Variants in CD96 observed in about 807,000 individuals in gnomAD.
CD96 encodes the protein CD96 molecule.
In CD96, 70 loss-of-function variants were observed where a neutral mutation model predicts 71.3. The ratio of observed to expected loss-of-function variants is 0.98; its 90% confidence interval spans 0.81 to 1.20. CD96 has a LOEUF of 1.20. CD96 is among the 50% of genes most tolerant of loss of function. The pLI is 0.00. For missense variants in CD96, 742 were observed against 677.5 expected (o/e 1.10, Z -1.06); for synonymous variants, 248 against 233.0 (o/e 1.06, Z -0.59).
chr3:111,649,638 G>C, intron 13 of CD96, 60 bp from the exon 14 acceptor site: 2 of 937,290 alleles, frequency 2.1e-6, no homozygotes, highest in East Asian at 2.4e-5. Flanking sequence ...ATGTCTGTGT[G>C]TGTGTGTGCA....
chr3:111,596,881 T>C (rs1231165590), intron 5 of CD96, among the ~76,000 whole-genome samples: 2 of 152,320 alleles, frequency 1.3e-5, no homozygotes, highest in East Asian at 3.9e-4. Context: ...GGAGCTACGG[T>C]GTTTGCCACC....
chr3:111,605,092 C>G (rs549215742), intron 7 of CD96, among the ~76,000 whole-genome samples: 2 of 152,324 alleles, frequency 1.3e-5, no homozygotes, highest in South Asian at 4.1e-4. Flanking sequence ...TGCTGGTCTT[C>G]TTTCTTTCAG....
At chr3:111,555,510 C>A (rs1169350535) in intron 2 of CD96, among the ~76,000 whole-genome samples, 1 of 152,296 alleles carries the variant, frequency 6.6e-6, no homozygotes, top group African/African-American at 2.4e-5. Flanking sequence ...TTTCTTTTAG[C>A]ATTTTGAATA....
rs781311611 is a variant in CD96, at chr3:111,598,166, T to C, written c.854T>C (p.Ile285Thr). 1.3e-6 allele frequency: 2 copies of C among 1,498,172 alleles called. No homozygotes were observed. The highest frequency in any genetic ancestry group is 1.9e-6 in the Non-Finnish European group (2 of 1,074,878). 92.8% of individuals were successfully genotyped at this position (1,498,172 alleles called of 1,614,324 possible). ...AAGAATGTATTTCCCAAAGCAAATA[T>C]CACATGGTTTATAGATGGAAGTTTT... ...LLKNVFPKAN[I>T]TWFIDGSFLH... is the part of the protein sequence containing the mutation. The change falls in exon 6 of 14, where the codon ATC (isoleucine) becomes ACC (threonine). Residue 285 changes from isoleucine to threonine, a missense_variant. Physicochemically the swap from Ile to Thr is moderately conservative, Grantham distance 89 (BLOSUM62 -1). Coordinates refer to ENST00000352690, the MANE Select transcript of CD96 (RefSeq NM_005816.5).
intron 5 of CD96, among the ~76,000 whole-genome samples, chr3:111,596,536 A>G (rs1937269832): frequency 6.6e-6 from 1 of 152,208 alleles, no homozygotes; most frequent in African/African-American, 2.4e-5. Context: ...TGATATTACC[A>G]TATCGTCATC....
At chr3:111,606,857 C>A in intron 8 of CD96, 65 bp downstream of exon 8, 1 of 983,892 alleles carries the variant, frequency 1.0e-6, no homozygotes, top group Non-Finnish European at 1.6e-6. Flanking sequence ...AAAATTTCAG[C>A]AAACTTGCAT....
chr3:111,620,843 C>T (rs999129972), intron 8 of CD96, among the ~76,000 whole-genome samples: 1 of 152,184 alleles, frequency 6.6e-6, no homozygotes, highest in Non-Finnish European at 1.5e-5. Flanking sequence ...GTTTCTCCCC[C>T]AACAAGGTCC....
intron 2 of CD96, among the ~76,000 whole-genome samples, chr3:111,566,775 A>G (rs1289469202): frequency 1.3e-5 from 2 of 152,164 alleles, no homozygotes. Context: ...TTCCTTATAT[A>G]TGTTTGTGTC....
At chr3:111,639,696 C>T (rs1223330924) in intron 12 of CD96, among the ~76,000 whole-genome samples, 6 of 152,176 alleles carry the variant, frequency 3.9e-5, no homozygotes, top group Non-Finnish European at 8.8e-5. Flanking sequence ...AAGCATTAAA[C>T]CACCAAAGGT....
At chr3:111,586,157 G>C (rs1194930443) in intron 5 of CD96, among the ~76,000 whole-genome samples, 1 of 152,028 alleles carries the variant, frequency 6.6e-6, no homozygotes, top group Non-Finnish European at 1.5e-5. Flanking sequence ...TATTGTTCTT[G>C]TTTTTGTTAT....
intron 1 of CD96, 105 bp downstream of exon 1, chr3:111,542,414 A>ACTGCTGAAATTGATC: frequency 2.0e-5 from 16 of 818,988 alleles, no homozygotes; most frequent in Admixed American, 5.3e-5. Flanking sequence ...ATTGATCACC[A>ACTGCTGAAATTGATC]AAGGACAAAT....
chr3:111,569,968 T>C (rs568763602), intron 3 of CD96, among the ~76,000 whole-genome samples: 1 of 143,312 alleles, frequency 7.0e-6, no homozygotes, highest in South Asian at 2.2e-4. Flanking sequence ...CTCCCAAGGC[T>C]GGGGCCGTCA....
chr3:111,619,368 T>C (rs1938406381), intron 8 of CD96, among the ~76,000 whole-genome samples: 1 of 152,238 alleles, frequency 6.6e-6, no homozygotes, highest in South Asian at 2.1e-4. Flanking sequence ...TGAGCTAGTA[T>C]AAACAAAACA....
intron 4 of CD96, 157 bp downstream of exon 4, chr3:111,579,391 G>T: frequency 1.4e-6 from 1 of 705,346 alleles, no homozygotes. Flanking sequence ...TGTTGGGCAG[G>T]GGGATGAGGG....
At position 111,638,178 on chromosome 3, in the gene CD96, T is replaced by G. The variant is rs1396826047; in HGVS notation, c.1477+10T>G. ...CACGTCCATATCACTGGTAAGTCAT[T>G]TATCCTATTTTGGGGGATTTTATGC... is the stretch of plus-strand genomic sequence containing the variant. On this transcript the variant is annotated intron_variant, in intron 12 of 13. Coordinates refer to ENST00000352690, the MANE Select transcript of CD96 (RefSeq NM_005816.5). The G allele has an allele frequency of 2.7e-6, 4 of 1,503,652 alleles. No individual in the cohort carries two copies. The highest frequency in any genetic ancestry group is 3.7e-6 in the Non-Finnish European group (4 of 1,079,318). 93.1% of individuals were successfully genotyped at this position (1,503,652 alleles called of 1,614,324 possible).
At chr3:111,607,862 A>G (rs768005819) in intron 8 of CD96, among the ~76,000 whole-genome samples, 19 of 152,116 alleles carry the variant, frequency 1.2e-4, no homozygotes, top group Non-Finnish European at 2.6e-4. Context: ...TTTTTCTTCT[A>G]CTTTTAACTC....
chr3:111,608,458 GAAGTGTCTGTA>G (rs2107670224), intron 8 of CD96, among the ~76,000 whole-genome samples: 1 of 152,324 alleles, frequency 6.6e-6, no homozygotes, highest in South Asian at 2.1e-4. Flanking sequence ...CTGTCATTTA[GAAGTGTCTGTA>G]AATAAAAGGC....
At chr3:111,577,440 C>T in intron 3 of CD96, 1 of 1,169,964 alleles carries the variant, frequency 8.5e-7, no homozygotes. Flanking sequence ...TAGAGCTCCT[C>T]TGGGGGATCC....
Position 111,611,468 on chromosome 3 carries a change from CAG to C in CD96, c.1180+4677_1180+4678del, listed in dbSNP as rs1291088562. On this transcript the variant is annotated intron_variant, in intron 8 of 13. Transcript: ENST00000352690. ...TAGGGGCATTGGATTCTAGTGTTAA[CAG>C]GGGAACGCCAGAGAGAGTCTGCAAG... Among the ~76,000 whole-genome samples, 3 of 152,302 alleles carry C rather than the reference CAG, an allele frequency of 2.0e-5. No homozygotes were observed. The South Asian group carries it at 6.2e-4, about 32-fold the overall frequency.
Sources: gnomAD v4.1 joint callset for allele counts (sites outside exome capture counted in the v4.1 genomes callset) on GRCh38, gnomAD v4.1.1 for gene constraint, MANE v1.5 for transcripts, NCBI Gene and HGNC (gene_info 2026-07-23, HGNC 2026-07-21) for gene names.